SPON1: variants seen among roughly 807,000 people sequenced by gnomAD.
The protein encoded by SPON1 is spondin 1.
Under a neutral mutation model 111.7 loss-of-function variants are expected in SPON1, and 52 were observed. That is an observed-to-expected ratio of 0.47 (90% CI 0.37 to 0.59). SPON1 has a LOEUF of 0.59. SPON1 is among the 20% of genes least tolerant of loss of function. The pLI is 0.00. For synonymous variants in SPON1, 410 were observed against 395.8 expected, an observed-to-expected ratio of 1.04 and a Z score of -0.43; for missense variants, 957 against 1,068.5, an observed-to-expected ratio of 0.90 and a Z score of 1.46.
At chr11:14,042,884 A>G (rs1001142516) in intron 3 of SPON1, among the ~76,000 whole-genome samples, 10 of 152,116 alleles carry the variant, frequency 6.6e-5, no homozygotes, top group African/African-American at 2.4e-4. Context: ...CTCACCCGTC[A>G]TTGTCTGGCC....
rs182388830 is a variant in SPON1, at chr11:14,195,814, G to C, written c.826-47518G>C. Among the ~76,000 whole-genome samples the C allele has an allele frequency of 1.3e-3, 200 of 152,228 alleles. 4 individuals carry two copies. The highest frequency in any genetic ancestry group is 0.012 in the Admixed American group (178 of 15,296). On this transcript the variant is annotated intron_variant, in intron 6 of 15. Coordinates refer to ENST00000576479, the MANE Select transcript of SPON1 (RefSeq NM_006108.4). ...TCTATTGTCAGACATTTATTTCACA[G>C]TTTCATAGCAACATTGTCATGATTA...
At chr11:14,168,523 T>G (rs1474711336) in intron 6 of SPON1, among the ~76,000 whole-genome samples, 2 of 152,162 alleles carry the variant, frequency 1.3e-5, no homozygotes, top group African/African-American at 4.8e-5. Context: ...TTTATTATAC[T>G]TTAAGTTTTA....
intron 6 of SPON1, among the ~76,000 whole-genome samples, chr11:14,195,459 C>T (rs75360386): frequency 2.1e-4 from 32 of 152,270 alleles, no homozygotes; most frequent in African/African-American, 7.7e-4. Flanking sequence ...CACAATACAA[C>T]ATAATGCCAC....
In SPON1 at chr11:14,259,440, C is replaced by T. The variant is rs367978833; in HGVS notation, c.1653C>T (p.Asn551=). The change falls in exon 12 of 16, where the codon AAC becomes AAT. Residue 551 remains asparagine, a synonymous_variant. Transcript: ENST00000576479. The surrounding 1 kb of genome is among the most constrained non-coding windows in gnomAD (Gnocchi z 5.0). ...PTEETEKCTV[N]EECSPSSCLM... ...AGGAAACGGAGAAGTGCACGGTCAA[C>T]GAGGAGTGCTGTGAGTGGGGGCCCC... 1.4e-5 allele frequency: 23 copies of T among 1,608,422 alleles called. No individual in the cohort carries two copies. The highest frequency in any genetic ancestry group is 1.4e-5 in the Non-Finnish European group (16 of 1,177,882).
chr11:14,211,933 C>A (rs532555753), intron 6 of SPON1, among the ~76,000 whole-genome samples: 40 of 151,382 alleles, frequency 2.6e-4, no homozygotes, highest in Non-Finnish European at 4.7e-4. Context: ...TTTTCAGGGG[C>A]CAATTTTTGA....
At chr11:13,964,026 G>T (rs527638325) in intron 1 of SPON1, among the ~76,000 whole-genome samples, 41 of 152,294 alleles carry the variant, frequency 2.7e-4, no homozygotes, top group Non-Finnish European at 1.3e-4. Flanking sequence ...TCAGGGAGGA[G>T]GTGTCCAAGC....
At chr11:14,180,053 C>T (rs1408211040) in intron 6 of SPON1, among the ~76,000 whole-genome samples, 2 of 152,182 alleles carry the variant, frequency 1.3e-5, no homozygotes, top group African/African-American at 2.4e-5. Flanking sequence ...TCTGACCCTT[C>T]TATTGCATCT....
intron 6 of SPON1, among the ~76,000 whole-genome samples, chr11:14,236,400 G>A (rs1848867762): frequency 6.6e-6 from 1 of 152,158 alleles, no homozygotes; most frequent in South Asian, 2.1e-4. Context: ...GAATGAAGGA[G>A]GCTGGGCTTA....
intron 5 of SPON1, among the ~76,000 whole-genome samples, chr11:14,092,320 A>T (rs1198273402): frequency 6.6e-6 from 1 of 152,224 alleles, no homozygotes; most frequent in East Asian, 1.9e-4. Context: ...TATTATAAAA[A>T]TAGTTTTCAC....
chr11:14,088,916 G>T (rs959156827), intron 5 of SPON1, among the ~76,000 whole-genome samples: 9 of 150,332 alleles, frequency 6.0e-5, no homozygotes, highest in African/African-American at 2.2e-4. Context: ...CTTCTGCTTG[G>T]TTTAGCTATT....
At chr11:14,123,261 A>G (rs1178439011) in intron 5 of SPON1, among the ~76,000 whole-genome samples, 2 of 152,136 alleles carry the variant, frequency 1.3e-5, no homozygotes, top group Admixed American at 6.6e-5. Context: ...TGCATGATGG[A>G]CATTGTAAAT....
chr11:14,239,703 T>C (rs1217874147), intron 6 of SPON1, among the ~76,000 whole-genome samples: 1 of 152,118 alleles, frequency 6.6e-6, no homozygotes, highest in East Asian at 1.9e-4. Context: ...ACAACCTGGG[T>C]GACAAAGTGA....
At chr11:14,122,295 G>A (rs782388252) in intron 5 of SPON1, among the ~76,000 whole-genome samples, 36 of 151,988 alleles carry the variant, frequency 2.4e-4, no homozygotes, top group Non-Finnish European at 4.6e-4. Flanking sequence ...TGCCTCAGCC[G>A]CCTGAGTAAC....
At chr11:14,173,901 T>C (rs1452372959) in intron 6 of SPON1, among the ~76,000 whole-genome samples, 1 of 103,174 alleles carries the variant, frequency 9.7e-6, no homozygotes, top group East Asian at 2.4e-4. Context: ...GTTCACCCCG[T>C]AGGGGATGCC....
At chr11:14,197,822 TAAAC>T (rs1256371040) in intron 6 of SPON1, among the ~76,000 whole-genome samples, 5 of 151,984 alleles carry the variant, frequency 3.3e-5, no homozygotes, top group African/African-American at 1.2e-4. Flanking sequence ...TCTCAATAAA[TAAAC>T]AAATAATAAA....
intron 6 of SPON1, among the ~76,000 whole-genome samples, chr11:14,150,846 G>A (rs1554929862): frequency 6.6e-6 from 1 of 152,120 alleles, no homozygotes; most frequent in African/African-American, 2.4e-5. Flanking sequence ...GGAAATTGCA[G>A]GTATCAGGAG....
At chr11:14,179,842 A>C (rs549532094) in intron 6 of SPON1, among the ~76,000 whole-genome samples, 11 of 152,300 alleles carry the variant, frequency 7.2e-5, no homozygotes, top group African/African-American at 2.6e-4. Flanking sequence ...AGCAAGCCAG[A>C]AAACAGGAAT....
intron 2 of SPON1, among the ~76,000 whole-genome samples, chr11:13,999,959 G>T (rs1848303525): frequency 6.6e-6 from 1 of 152,078 alleles, no homozygotes; most frequent in Non-Finnish European, 1.5e-5. Context: ...CCTTCTACCA[G>T]GTGGTTACTA....
intron 5 of SPON1, among the ~76,000 whole-genome samples, chr11:14,112,079 C>A (rs1041450947): frequency 1.3e-5 from 2 of 150,492 alleles, no homozygotes; most frequent in Non-Finnish European, 2.9e-5. Context: ...CTTCCTCATC[C>A]TGGTGGCTCC....
Sources: allele counts gnomAD v4.1 joint callset (sites outside exome capture counted in the v4.1 genomes callset), GRCh38; gene constraint gnomAD v4.1.1; non-coding constraint Gnocchi (gnomAD v3.1); transcripts MANE v1.5; gene names NCBI Gene and HGNC (gene_info 2026-07-23, HGNC 2026-07-21).